The following ADIPOR2 variants were observed in gnomAD, a reference collection of about 807,000 sequenced individuals.
ADIPOR2 encodes the protein adiponectin receptor protein 2.
Under a neutral mutation model 40.9 loss-of-function variants are expected in ADIPOR2, and 18 were observed. That is an observed-to-expected ratio of 0.44 (90% CI 0.30 to 0.65). ADIPOR2 has a LOEUF of 0.65. ADIPOR2 is among the 30% of genes least tolerant of loss of function. The pLI, the probability that ADIPOR2 is intolerant of heterozygous loss-of-function variation, is 0.09. For synonymous variants in ADIPOR2, 165 were observed against 166.4 expected (o/e 0.99, Z 0.06); for missense variants, 283 against 479.2 (o/e 0.59, Z 3.82).
At chr12:1,733,766 C>T (rs1373115758) in intron 1 of ADIPOR2, among the ~76,000 whole-genome samples, 1 of 138,188 alleles carries the variant, frequency 7.2e-6, no homozygotes, top group Admixed American at 7.5e-5. Flanking sequence ...CCTCCCTCAA[C>T]CCCACAACAG....
chr12:1,767,833 C>T (rs1862416530), intron 2 of ADIPOR2, among the ~76,000 whole-genome samples: 1 of 152,114 alleles, frequency 6.6e-6, no homozygotes, highest in Non-Finnish European at 1.5e-5. Context: ...TAGACCAAGT[C>T]TTGATAAACA....
At chr12:1,728,966 T>C (rs2094713931) in intron 1 of ADIPOR2, among the ~76,000 whole-genome samples, 1 of 150,776 alleles carries the variant, frequency 6.6e-6, no homozygotes, top group Admixed American at 6.6e-5. Flanking sequence ...CTGTTTTTTT[T>C]TTTTTTTTTT....
intron 1 of ADIPOR2, among the ~76,000 whole-genome samples, chr12:1,719,226 CTT>C (rs1287897491): frequency 6.6e-6 from 1 of 151,972 alleles, no homozygotes; most frequent in Non-Finnish European, 1.5e-5. Flanking sequence ...TGTAATCATT[CTT>C]TTTATTGCTT....
chr12:1,698,206 TTGTGTG>T (rs35927419), intron 1 of ADIPOR2, among the ~76,000 whole-genome samples: 4,538 of 148,128 alleles, frequency 0.031, 86 homozygotes, highest in Middle Eastern at 0.059. Flanking sequence ...TCTTGGCTGA[TTGTGTG>T]TGTGTGTGTG....
chr12:1,781,103 C>G (rs773212306), intron 6 of ADIPOR2, 27 bp downstream of exon 6: 2 of 1,525,244 alleles, frequency 1.3e-6, no homozygotes, highest in East Asian at 2.4e-5. Flanking sequence ...GTTCTACATT[C>G]GACATTCATT....
chr12:1,719,360 G>A (rs897803314), intron 1 of ADIPOR2, among the ~76,000 whole-genome samples: 2 of 152,146 alleles, frequency 1.3e-5, no homozygotes, highest in African/African-American at 2.4e-5. Context: ...GCATTTAAGT[G>A]CTATCATGCA....
intron 2 of ADIPOR2, among the ~76,000 whole-genome samples, chr12:1,763,111 T>A (rs7974924): frequency 0.54 from 81,756 of 151,974 alleles, 22,763 homozygotes; most frequent in African/African-American, 0.67. Context: ...ATTTGAGGTG[T>A]TGGAGAGGTT....
Position 1,754,321 on chromosome 12 carries a change from T to G in ADIPOR2, c.-23T>G, listed in dbSNP as rs1472920117. Reference sequence around the variant, plus strand: ...GAGGGGACAGAAAGACAGATCTATTTGTAAGAAAGGCTTGGGTATCCCATG... The same window carrying G: ...GAGGGGACAGAAAGACAGATCTATTGGTAAGAAAGGCTTGGGTATCCCATG... On this transcript the variant is annotated 5_prime_UTR_variant, in exon 2 of 8. Coordinates refer to ENST00000357103, the MANE Select transcript of ADIPOR2 (RefSeq NM_024551.3). 6.4e-7 allele frequency: 1 copy of G among 1,565,988 alleles called. No homozygotes were observed. The highest frequency in any genetic ancestry group is 1.4e-5 in the African/African-American group (1 of 73,040).
At chr12:1,729,222 C>G (rs2094714544) in intron 1 of ADIPOR2, among the ~76,000 whole-genome samples, 1 of 151,920 alleles carries the variant, frequency 6.6e-6, no homozygotes, top group Non-Finnish European at 1.5e-5. Flanking sequence ...ATTCCTAGAA[C>G]TATATTGTAA....
At chr12:1,777,382 CTTTTTTTT>C (rs59141974) in intron 3 of ADIPOR2, among the ~76,000 whole-genome samples, 15 of 98,744 alleles carry the variant, frequency 1.5e-4, no homozygotes, top group African/African-American at 5.4e-4. Flanking sequence ...TTTTTTCTTT[CTTTTTTTT>C]TTTTTTTTTT....
chr12:1,709,087 T>G (rs1316007210), intron 1 of ADIPOR2, among the ~76,000 whole-genome samples: 4 of 152,224 alleles, frequency 2.6e-5, no homozygotes, highest in Non-Finnish European at 5.9e-5. Flanking sequence ...TTGGTTACTC[T>G]AGATTCTTTG....
rs899116757 is a variant in ADIPOR2 at position 1,783,784 on chromosome 12, T to C, written c.839-96T>C. On this transcript the variant is annotated intron_variant, in intron 6 of 7. Coordinates refer to ENST00000357103, the MANE Select transcript of ADIPOR2 (RefSeq NM_024551.3). ...TAATTTTATATGCTACTTTGAAATA[T>C]TCAGTTTACAGAGTTAATGGTGCTG... 31 of 1,033,772 alleles carry C rather than the reference T, an allele frequency of 3.0e-5. No homozygotes were observed. In the African/African-American group the frequency reaches 4.0e-4, roughly 13 times the overall value. 64.0% of individuals were successfully genotyped at this position (1,033,772 alleles called of 1,614,324 possible).
At chr12:1,736,297 T>G (rs10848566) in intron 1 of ADIPOR2, among the ~76,000 whole-genome samples, 19,480 of 152,198 alleles carry the variant, frequency 0.13, 1,603 homozygotes, top group East Asian at 0.28. Flanking sequence ...ATTCAGAGAT[T>G]CAACTTCTTC....
At chr12:1,748,975 G>A (rs1181677529) in intron 1 of ADIPOR2, among the ~76,000 whole-genome samples, 2 of 152,144 alleles carry the variant, frequency 1.3e-5, no homozygotes, top group Admixed American at 1.3e-4. Context: ...CCAGTCATAA[G>A]TCGGGGCCTC....
chr12:1,778,123 G>T, intron 4 of ADIPOR2, 98 bp downstream of exon 4: 3 of 1,339,352 alleles, frequency 2.2e-6, no homozygotes, highest in South Asian at 1.7e-5. Context: ...AAATGTATTT[G>T]GATTTGCCAT....
At chr12:1,712,562 C>T (rs966865030) in intron 1 of ADIPOR2, among the ~76,000 whole-genome samples, 1 of 152,032 alleles carries the variant, frequency 6.6e-6, no homozygotes, top group Non-Finnish European at 1.5e-5. Flanking sequence ...CTCTCTCTGA[C>T]GTATAAAGAG....
At chr12:1,714,788 T>A (rs2094684388) in intron 1 of ADIPOR2, among the ~76,000 whole-genome samples, 1 of 152,126 alleles carries the variant, frequency 6.6e-6, no homozygotes, top group African/African-American at 2.4e-5. Context: ...CAACTAAAGC[T>A]GCATTCTTTT....
At chr12:1,737,939 T>C (rs1028643958) in intron 1 of ADIPOR2, among the ~76,000 whole-genome samples, 2 of 152,204 alleles carry the variant, frequency 1.3e-5, no homozygotes, top group African/African-American at 4.8e-5. Flanking sequence ...ACAGTTGCCA[T>C]GTATGAAGGT....
chr12:1,700,957 C>G (rs1208867589), intron 1 of ADIPOR2, among the ~76,000 whole-genome samples: 1 of 151,698 alleles, frequency 6.6e-6, no homozygotes, highest in African/African-American at 2.4e-5. Context: ...CTACAGAGAC[C>G]AATATAATTA....
Sources: allele counts gnomAD v4.1 joint callset (sites outside exome capture counted in the v4.1 genomes callset), GRCh38; gene constraint gnomAD v4.1.1; transcripts MANE v1.5; gene names NCBI Gene and HGNC (gene_info 2026-07-23, HGNC 2026-07-21).